ABCD2: variants seen among roughly 807,000 people sequenced by gnomAD.
ABCD2 encodes ATP-binding cassette sub-family D member 2.
Under a neutral mutation model 70.9 loss-of-function variants are expected in ABCD2, and 36 were observed. That is an observed-to-expected ratio of 0.51 (90% CI 0.39 to 0.67). ABCD2 has a LOEUF of 0.67. Among genes scored for constraint, ABCD2 ranks in the 30% least tolerant of loss-of-function variants. ABCD2 has a pLI of 0.00. For missense variants in ABCD2, 729 were observed against 890.2 expected, an observed-to-expected ratio of 0.82 and a Z score of 2.30; for synonymous variants, 304 against 306.9, an observed-to-expected ratio of 0.99 and a Z score of 0.10.
At chr12:39,598,766 G>T (rs1705792251) in intron 6 of ABCD2, among the ~76,000 whole-genome samples, 2 of 152,146 alleles carry the variant, frequency 1.3e-5, no homozygotes, top group Admixed American at 1.3e-4. Context: ...GAAATAGGTT[G>T]CATAGCAGCT....
intron 6 of ABCD2, among the ~76,000 whole-genome samples, chr12:39,591,082 TAAG>T (rs1319161045): frequency 6.6e-6 from 1 of 152,190 alleles, no homozygotes; most frequent in Non-Finnish European, 1.5e-5. Context: ...TGAGATGTGT[TAAG>T]TTTAAGAATA....
chr12:39,598,338 T>G (rs1941848244), intron 6 of ABCD2, among the ~76,000 whole-genome samples: 1 of 152,210 alleles, frequency 6.6e-6, no homozygotes, highest in Non-Finnish European at 1.5e-5. Context: ...GAAATTTCAT[T>G]TTTTTGCTGC....
intron 6 of ABCD2, among the ~76,000 whole-genome samples, chr12:39,588,434 G>A (rs1013531675): frequency 2.2e-4 from 33 of 152,072 alleles, no homozygotes; most frequent in African/African-American, 7.7e-4. Flanking sequence ...AAGAAACACA[G>A]GAAAGAAAAG....
chr12:39,596,694 A>G (rs1941820597), intron 6 of ABCD2, among the ~76,000 whole-genome samples: 1 of 152,168 alleles, frequency 6.6e-6, no homozygotes, highest in African/African-American at 2.4e-5. Context: ...CTGCATAGTA[A>G]GTTTGAATAG....
intron 7 of ABCD2, among the ~76,000 whole-genome samples, chr12:39,584,585 CTT>C (rs1371180813): frequency 6.6e-6 from 1 of 152,114 alleles, no homozygotes; most frequent in Non-Finnish European, 1.5e-5. Flanking sequence ...GTCATGAAGT[CTT>C]TGTCTGTTTC....
intron 2 of ABCD2, among the ~76,000 whole-genome samples, chr12:39,610,247 G>C (rs959769970): frequency 6.6e-6 from 1 of 152,140 alleles, no homozygotes; most frequent in African/African-American, 2.4e-5. Flanking sequence ...ATGAGTTCAT[G>C]GAGATGTTTT....
At chr12:39,534,760 G>GAGAAAGAAAGAAAGAAAGAA in the ABCD2 span, among the ~76,000 whole-genome samples, 4 of 113,180 alleles carry the variant, frequency 3.5e-5, no homozygotes, top group African/African-American at 1.5e-4. Context: ...AAGAAAGAAA[G>GAGAAAGAAAGAAAGAAAGAA]AGAAAGAAAG....
At chr12:39,593,684 G>A (rs1056420096) in intron 6 of ABCD2, among the ~76,000 whole-genome samples, 4 of 152,122 alleles carry the variant, frequency 2.6e-5, no homozygotes, top group Admixed American at 2.6e-4. Flanking sequence ...ATAAAACACC[G>A]TCTTCACTGT....
rs974518185 is a variant in ABCD2 at position 39,552,352 on chromosome 12, C to A, written c.*1560G>T. The stretch of plus-strand genomic sequence containing the variant: ...GACTTAACATCTATTATGGCTGTGT[C>A]TCAACAGGCAAATAAAATCCTAGGC... On this transcript the variant is annotated 3_prime_UTR_variant, in exon 10 of 10. Transcript: ENST00000308666. 1.3e-5 allele frequency: 2 copies of A among 151,870 alleles called. No homozygotes were observed. The highest frequency in any genetic ancestry group is 4.8e-5 in the African/African-American group (2 of 41,394). 9.4% of individuals were successfully genotyped at this position (151,870 alleles called of 1,614,324 possible). A position where few individuals can be genotyped will look rare whatever the true frequency, so the allele number is the denominator to read the frequency against.
At chr12:39,589,384 G>GTTTTTTTTT (rs397850115) in intron 6 of ABCD2, among the ~76,000 whole-genome samples, 1 of 125,124 alleles carries the variant, frequency 8.0e-6, no homozygotes, top group Admixed American at 8.3e-5. Context: ...TTTGGTCTGG[G>GTTTTTTTTT]TTTTTTTTTT....
chr12:39,552,713 CT>C lies in ABCD2; in HGVS notation c.*1198del, dbSNP rs1466458797. 4 of 151,888 alleles carry C rather than the reference CT, an allele frequency of 2.6e-5. No individual in the cohort carries two copies. Among genetic ancestry groups the C allele is most frequent in the Non-Finnish European group, 5.9e-5 (4 of 67,854 alleles). The allele number at this position is 151,888 out of a possible 1,614,324, so 9.4% of individuals were successfully genotyped here. The stretch of plus-strand genomic sequence containing the variant: ...TGCACTTTGTACTTAATTTTCATTT[CT>C]TGTAAACAATAACCAAATAACAATA... On this transcript the variant is annotated 3_prime_UTR_variant, in exon 10 of 10. Transcript: ENST00000308666.
chr12:39,573,682 C>T (rs1340308781), intron 9 of ABCD2, 34 bp downstream of exon 9: 13 of 1,580,932 alleles, frequency 8.2e-6, no homozygotes, highest in Non-Finnish European at 1.1e-5. Context: ...TAAGGAAAAA[C>T]CATCTACCAC....
intron 7 of ABCD2, among the ~76,000 whole-genome samples, chr12:39,580,716 C>T (rs1028914452): frequency 2.6e-5 from 4 of 152,124 alleles, no homozygotes; most frequent in African/African-American, 9.7e-5. Flanking sequence ...CAGATACTTA[C>T]AGCAAAATTT....
chr12:39,594,872 G>A (rs908630589), intron 6 of ABCD2, among the ~76,000 whole-genome samples: 6 of 152,126 alleles, frequency 3.9e-5, no homozygotes, highest in African/African-American at 1.4e-4. Flanking sequence ...TACTTGGGAA[G>A]CTGAGGTGCG....
intron 1 of ABCD2, 40 bp downstream of exon 1, chr12:39,618,637 C>T (rs1942149301): frequency 1.9e-6 from 3 of 1,560,732 alleles, no homozygotes; most frequent in Admixed American, 1.7e-5. Flanking sequence ...GCAACTTGAA[C>T]AGTTTCACAT....
At position 39,553,196 on chromosome 12, in the gene ABCD2, G is replaced by A. The variant is rs1941112609; in HGVS notation, c.*716C>T. 2.0e-5 allele frequency: 3 copies of A among 151,796 alleles called. 1 individual carries two copies. The South Asian group carries it at 6.2e-4, about 32-fold the overall frequency. The allele number at this position is 151,796 out of a possible 1,614,324, so 9.4% of individuals were successfully genotyped here. A position where few individuals can be genotyped will look rare whatever the true frequency, so the allele number is the denominator to read the frequency against. Reference sequence around the variant, plus strand: ...AAATTATCAGGTTGAGACATTGTTTGGATACTCCTTTTCTGTATTGGCAAT... The same window carrying A: ...AAATTATCAGGTTGAGACATTGTTTAGATACTCCTTTTCTGTATTGGCAAT... On this transcript the variant is annotated 3_prime_UTR_variant, in exon 10 of 10. Coordinates refer to ENST00000308666, the MANE Select transcript of ABCD2 (RefSeq NM_005164.4).
At chr12:39,579,322 A>C (rs1248235379) in intron 8 of ABCD2, among the ~76,000 whole-genome samples, 1 of 152,254 alleles carries the variant, frequency 6.6e-6, no homozygotes, top group Non-Finnish European at 1.5e-5. Flanking sequence ...AGATCGTGCC[A>C]CTGCACTCCA....
chr12:39,604,082 A>G, intron 4 of ABCD2, 76 bp from the exon 5 acceptor site: 1 of 922,274 alleles, frequency 1.1e-6, no homozygotes, highest in Admixed American at 2.3e-5. Context: ...ATTATGCAGT[A>G]TAACAGGTAA....
At position 39,579,549 on chromosome 12, in the gene ABCD2, A is replaced by T. The variant is rs1220079980; in HGVS notation, c.1863T>A (p.Arg621=). 1 of 1,612,750 alleles carries T rather than the reference A, an allele frequency of 6.2e-7. No individual in the cohort carries two copies. The highest frequency in any genetic ancestry group is 8.5e-7 in the Non-Finnish European group (1 of 1,179,130). ...GGEKQRMGMA[R]MFYHKPKYAL... is the part of the protein sequence containing the mutation. ...AGTATACTTACTTATGATAAAACAT[A>T]CGAGCCATGCCCATTCTTTGCTTTT... Residue 621 remains arginine (R), a synonymous_variant, in exon 8 of 10, where the codon CGT becomes CGA. Transcript: ENST00000308666.
Sources: gnomAD v4.1 joint callset for allele counts (sites outside exome capture counted in the v4.1 genomes callset) on GRCh38, gnomAD v4.1.1 for gene constraint, MANE v1.5 for transcripts, NCBI Gene and HGNC (gene_info 2026-07-23, HGNC 2026-07-21) for gene names.